Variants in PCDHB12 observed in about 807,000 individuals in gnomAD.
The protein encoded by PCDHB12 is protocadherin beta 12.
For missense variants in PCDHB12, 1,192 were observed against 998.2 expected, an observed-to-expected ratio of 1.19 and a Z score of -2.62; for synonymous variants, 560 against 445.2, an observed-to-expected ratio of 1.26 and a Z score of -3.24.
Position 141,209,770 on chromosome 5 carries a change from T to C in PCDHB12, c.863T>C (p.Ile288Thr), listed in dbSNP as rs1554286745. ...SYTFSHASED[I>T]RKTFEINQKS... ...ACCTTTTCCCATGCCTCAGAAGATA[T>C]TCGCAAGACATTTGAAATTAATCAA... Residue 288 changes from isoleucine (I) to threonine (T), a missense_variant, in exon 1 of 1, where the codon ATT (isoleucine) becomes ACT (threonine). Ile to Thr is a moderately conservative substitution (Grantham distance 89, BLOSUM62 -1). Coordinates refer to ENST00000239450, the MANE Select transcript of PCDHB12 (RefSeq NM_018932.4). 4 of 1,614,212 alleles carry C rather than the reference T, an allele frequency of 2.5e-6. No homozygotes were observed. Among genetic ancestry groups the C allele is most frequent in the East Asian group, 2.2e-5 (1 of 44,884 alleles).
Position 141,210,972 on chromosome 5 carries a change from T to C in PCDHB12, c.2065T>C (p.Tyr689His). The change falls in exon 1 of 1, where the codon TAC (tyrosine) becomes CAC (histidine). Residue 689 changes from tyrosine (Y) to histidine (H), a missense_variant. Physicochemically the swap from Tyr to His is moderately conservative, Grantham distance 83 (BLOSUM62 2). Transcript: ENST00000239450. ...AQAQADSLTV[Y>H]LVVALASVSS... ...GGCCCAGGCCGACTCGCTCACTGTC[T>C]ACCTGGTGGTGGCGTTGGCCTCAGT... The C allele has an allele frequency of 1.9e-6, 3 of 1,611,884 alleles. No individual in the cohort carries two copies. The African/African-American group carries it at 4.0e-5, about 21-fold the overall frequency.
At position 141,210,329 on chromosome 5, in the gene PCDHB12, C is replaced by G. The variant is rs781785471; in HGVS notation, c.1422C>G (p.Ser474Arg). 6 of 1,613,286 alleles carry G rather than the reference C, an allele frequency of 3.7e-6. No individual in the cohort carries two copies. The East Asian group carries it at 1.1e-4, about 30-fold the overall frequency. The part of the protein sequence containing the change: ...NSPALHIGSI[S>R]ATDRDSGTNA... Reference sequence around the variant, plus strand: ...CCGCCCTGCACATCGGCAGCATCAGCGCCACAGACAGAGACTCGGGCACCA... The same window carrying G: ...CCGCCCTGCACATCGGCAGCATCAGGGCCACAGACAGAGACTCGGGCACCA... The change falls in exon 1 of 1, where the codon AGC (serine) becomes AGG (arginine). Residue 474 changes from serine to arginine, a missense_variant. Transcript: ENST00000239450.
chr5:141,210,533 C>A lies in PCDHB12; in HGVS notation c.1626C>A (p.Ser542Arg). 1 of 1,612,040 alleles carries A rather than the reference C, an allele frequency of 6.2e-7. No homozygotes were observed. The highest frequency in any genetic ancestry group is 8.5e-7 in the Non-Finnish European group (1 of 1,179,792). The change falls in exon 1 of 1, where the codon AGC (serine) becomes AGA (arginine). Residue 542 changes from serine (S) to arginine (R), a missense_variant. By Grantham distance (110) the Ser-to-Arg change is moderately radical. Coordinates refer to ENST00000239450, the MANE Select transcript of PCDHB12 (RefSeq NM_018932.4). ...CAGACCACGGCTCCCCGGCTTTGAG[C>A]AGCGAGGCGCTGGTGCGCGTGCTGG... ...GATDHGSPAL[S>R]SEALVRVLVL...
At position 141,211,009 on chromosome 5, in the gene PCDHB12, T is replaced by C; in HGVS notation, c.2102T>C (p.Phe701Ser). ...VVALASVSSL[F>S]LFSVLLFVAV... is the part of the protein sequence containing the mutation. ...GCGTTGGCCTCAGTGTCGTCGCTCTTCCTCTTCTCGGTGCTCCTGTTCGTG... is the reference window on the plus strand; with the variant it reads ...GCGTTGGCCTCAGTGTCGTCGCTCTCCCTCTTCTCGGTGCTCCTGTTCGTG... The change falls in exon 1 of 1, where the codon TTC (phenylalanine) becomes TCC (serine). Residue 701 changes from phenylalanine to serine, a missense_variant. By Grantham distance (155) the Phe-to-Ser change is radical. Transcript: ENST00000239450. 1 of 1,611,738 alleles carries C rather than the reference T, an allele frequency of 6.2e-7. No individual in the cohort carries two copies. The highest frequency in any genetic ancestry group is 8.5e-7 in the Non-Finnish European group (1 of 1,179,868).
Position 141,211,544 on chromosome 5 carries a change from TG to T in PCDHB12, c.*250del. The T allele has an allele frequency of 1.9e-6, 1 of 531,640 alleles. No individual in the cohort carries two copies. The allele number at this position is 531,640 out of a possible 1,614,324, so 32.9% of individuals were successfully genotyped here. ...ATAAAGTCTATTAAGTGGTAAGTCT[TG>T]TTTGAGATATTTTAAATTGCTTTCC... On this transcript the variant is annotated 3_prime_UTR_variant, in exon 1 of 1. Coordinates refer to ENST00000239450, the MANE Select transcript of PCDHB12 (RefSeq NM_018932.4).
At position 141,211,315 on chromosome 5, in the gene PCDHB12, C is replaced by A; in HGVS notation, c.*20C>A. 6.4e-7 allele frequency: 1 copy of A among 1,566,128 alleles called. No individual in the cohort carries two copies. The highest frequency in any genetic ancestry group is 8.6e-7 in the Non-Finnish European group (1 of 1,160,824). ...TTCTGATAAAGAATGAAAAATAAAA[C>A]CTGTGTTTATGAATACATTTATAAT... On this transcript the variant is annotated 3_prime_UTR_variant, in exon 1 of 1. Coordinates refer to ENST00000239450, the MANE Select transcript of PCDHB12 (RefSeq NM_018932.4).
At position 141,211,113 on chromosome 5, in the gene PCDHB12, C is replaced by A. The variant is rs1554287156; in HGVS notation, c.2206C>A (p.Leu736Met). The A allele has an allele frequency of 1.2e-6, 2 of 1,614,142 alleles. No individual in the cohort carries two copies. Among genetic ancestry groups the A allele is most frequent in the Non-Finnish European group, 1.7e-6 (2 of 1,180,028 alleles). Reference sequence around the variant, plus strand: ...GCCTGAGGGCCCCTTTCCAGGACATCTGGTGGACGTGAGTGGCACCGGGAC... The same window carrying A: ...GCCTGAGGGCCCCTTTCCAGGACATATGGTGGACGTGAGTGGCACCGGGAC... ...SVPEGPFPGHLVDVSGTGTLS... is the reference protein window; with the variant it reads ...SVPEGPFPGHMVDVSGTGTLS... The change falls in exon 1 of 1, where the codon CTG becomes ATG. Residue 736 changes from leucine to methionine, a missense_variant. By Grantham distance (15) the Leu-to-Met change is conservative. Transcript: ENST00000239450.
chr5:141,211,161 G>T lies in PCDHB12; in HGVS notation c.2254G>T (p.Glu752Ter), dbSNP rs1554287167. 8 of 1,614,176 alleles carry T rather than the reference G, an allele frequency of 5.0e-6. No individual in the cohort carries two copies. Among genetic ancestry groups the T allele is most frequent in the Non-Finnish European group, 6.8e-6 (8 of 1,180,010 alleles). ...TGTLSQSYHYEVCVTGGSRSN... is the reference protein window; with the variant it reads ...TGTLSQSYHY ...GACCCTGTCCCAGAGCTACCACTATGAGGTGTGTGTGACTGGAGGCTCCAG... is the reference window on the plus strand; with the variant it reads ...GACCCTGTCCCAGAGCTACCACTATTAGGTGTGTGTGACTGGAGGCTCCAG... Residue 752 changes from glutamate (E) to a stop codon, truncating the protein, a stop_gained, in exon 1 of 1, where the codon GAG (glutamate) becomes TAG (stop). Transcript: ENST00000239450. LOFTEE classifies it low-confidence loss of function (END_TRUNC).
Position 141,211,336 on chromosome 5 carries a change from A to G in PCDHB12, c.*41A>G, listed in dbSNP as rs782649370. ...AAAACCTGTGTTTATGAATACATTT[A>G]TAATTAGGAACTTATCGTGAGGTGC... On this transcript the variant is annotated 3_prime_UTR_variant, in exon 1 of 1. Coordinates refer to ENST00000239450, the MANE Select transcript of PCDHB12 (RefSeq NM_018932.4). 1.7e-5 allele frequency: 27 copies of G among 1,547,730 alleles called. No homozygotes were observed. The highest frequency in any genetic ancestry group is 2.2e-5 in the Non-Finnish European group (25 of 1,147,488).
rs782709824 is a variant in PCDHB12 at position 141,208,862 on chromosome 5, C to A, written c.-46C>A. 6.7e-7 allele frequency: 1 copy of A among 1,493,024 alleles called. No homozygotes were observed. The allele number at this position is 1,493,024 out of a possible 1,614,324, so 92.5% of individuals were successfully genotyped here. On this transcript the variant is annotated 5_prime_UTR_variant, in exon 1 of 1. In the 5' UTR this introduces an upstream ATG that the reference lacks. Transcript: ENST00000239450. ...CGTTTCCCACAACTGCGAAGAGGCG[C>A]TGAGGCAATTCTGCAAGAAGATTTT...
chr5:141,211,077 C>T lies in PCDHB12; in HGVS notation c.2170C>T (p.Arg724Cys), dbSNP rs782258906. The T allele has an allele frequency of 2.7e-5, 43 of 1,613,606 alleles. No homozygotes were observed. The highest frequency in any genetic ancestry group is 3.6e-5 in the Non-Finnish European group (43 of 1,180,032). ...GAGGAGCAGGGCGGCCCCGGTCGGT[C>T]GCTGCTCGGTGCCTGAGGGCCCCTT... ...CRRSRAAPVGRCSVPEGPFPG... is the reference protein window; with the variant it reads ...CRRSRAAPVGCCSVPEGPFPG... Residue 724 changes from arginine to cysteine, a missense_variant, in exon 1 of 1, where the codon CGC becomes TGC. Transcript: ENST00000239450.
rs1754395619 is a variant in PCDHB12, at chr5:141,209,863, T to C, written c.956T>C (p.Ile319Thr). The C allele has an allele frequency of 6.2e-7, 1 of 1,614,110 alleles. No individual in the cohort carries two copies. Among genetic ancestry groups the C allele is most frequent in the Non-Finnish European group, 8.5e-7 (1 of 1,180,050 alleles). Reference sequence around the variant, plus strand: ...GCAATTGAGTCATACTCAATAATCATTCAAGCCACAGATGGGGGAGGACTT... The same window carrying C: ...GCAATTGAGTCATACTCAATAATCACTCAAGCCACAGATGGGGGAGGACTT... ...FEAIESYSII[I>T]QATDGGGLFG... Residue 319 changes from isoleucine (I) to threonine (T), a missense_variant, in exon 1 of 1, where the codon ATT (isoleucine) becomes ACT (threonine). Ile to Thr is a moderately conservative substitution (Grantham distance 89). Coordinates refer to ENST00000239450, the MANE Select transcript of PCDHB12 (RefSeq NM_018932.4).
Position 141,208,933 on chromosome 5 carries a change from TGCAGATAAGGC to T in PCDHB12, c.27_37del (p.Gln10SerfsTer16), listed in dbSNP as rs1754360285. The T allele has an allele frequency of 6.5e-7, 1 of 1,533,314 alleles. No individual in the cohort carries two copies. The highest frequency in any genetic ancestry group is 1.4e-5 in the African/African-American group (1 of 72,010). 95.0% of individuals were successfully genotyped at this position (1,533,314 alleles called of 1,614,324 possible). ...ATGGAAAACGGAGGGGCAGGCACTC[TGCAGATAAGGC>T]AAGTCCTGCTTTTCTTTGTTTTGCT... On this transcript the variant is annotated frameshift_variant, in exon 1 of 1. Transcript: ENST00000239450. LOFTEE classifies it low-confidence loss of function (END_TRUNC).
Position 141,209,825 on chromosome 5 carries a change from T to A in PCDHB12, c.918T>A (p.Pro306=). 6.2e-7 allele frequency: 1 copy of A among 1,614,220 alleles called. No homozygotes were observed. Among genetic ancestry groups the A allele is most frequent in the East Asian group, 2.2e-5 (1 of 44,880 alleles). ...CTGGTGACATTACTTTAACAGCACC[T>A]TTGGATTTTGAAGCAATTGAGTCAT... The part of the protein sequence containing the change: ...QKSGDITLTA[P]LDFEAIESYS... The change falls in exon 1 of 1, where the codon CCT becomes CCA. Residue 306 remains proline (P), a synonymous_variant. Transcript: ENST00000239450.
At position 141,210,371 on chromosome 5, in the gene PCDHB12, C is replaced by T; in HGVS notation, c.1464C>T (p.Tyr488=). ...RDSGTNAQVN[Y]SLLPSQDPHL... is the part of the protein sequence containing the mutation. ...CGGGCACCAACGCCCAGGTCAACTA[C>T]TCGCTGCTGCCGTCCCAGGACCCGC... is the stretch of plus-strand genomic sequence containing the variant. Residue 488 remains tyrosine, a synonymous_variant, in exon 1 of 1, where the codon TAC becomes TAT. Transcript: ENST00000239450. 1 of 1,613,032 alleles carries T rather than the reference C, an allele frequency of 6.2e-7. No individual in the cohort carries two copies. Among genetic ancestry groups the T allele is most frequent in the African/African-American group, 1.3e-5 (1 of 75,034 alleles).
In PCDHB12 at chr5:141,209,013, A is replaced by C. The variant is rs1173344679; in HGVS notation, c.106A>C (p.Met36Leu). 1 of 1,607,900 alleles carries C rather than the reference A, an allele frequency of 6.2e-7. No homozygotes were observed. Among genetic ancestry groups the C allele is most frequent in the Non-Finnish European group, 8.5e-7 (1 of 1,177,548 alleles). Residue 36 changes from methionine (M) to leucine (L), a missense_variant, in exon 1 of 1, where the codon ATG becomes CTG. Physicochemically the swap from Met to Leu is conservative, Grantham distance 15. Transcript: ENST00000239450. ...CTCTGAAACTGGGAACTTTTTGGTG[A>C]TGGAGGAATTGCAGAGCGGGAGCTT... Reference protein sequence around the residue: ...AGSETGNFLVMEELQSGSFVG... With the variant: ...AGSETGNFLVLEELQSGSFVG...
At position 141,211,229 on chromosome 5, in the gene PCDHB12, C is replaced by T. The variant is rs1237367469; in HGVS notation, c.2322C>T (p.Phe774=). 2.5e-6 allele frequency: 4 copies of T among 1,613,820 alleles called. No individual in the cohort carries two copies. In the Admixed American group the frequency reaches 6.7e-5, roughly 27 times the overall value. ...FKFLKPIIPN[F]LPQSTGSEVE... is the part of the protein sequence containing the mutation. ...TTCTGAAACCAATTATCCCCAACTTCCTACCCCAGAGCACAGGTAGTGAAG... is the reference window on the plus strand; with the variant it reads ...TTCTGAAACCAATTATCCCCAACTTTCTACCCCAGAGCACAGGTAGTGAAG... Residue 774 remains phenylalanine, a synonymous_variant, in exon 1 of 1, where the codon TTC becomes TTT. Transcript: ENST00000239450.
In PCDHB12 at chr5:141,210,362, G is replaced by C. The variant is rs782161768; in HGVS notation, c.1455G>C (p.Gln485His). ...ACAGAGACTCGGGCACCAACGCCCA[G>C]GTCAACTACTCGCTGCTGCCGTCCC... The part of the protein sequence containing the change: ...ATDRDSGTNA[Q>H]VNYSLLPSQD... Residue 485 changes from glutamine (Q) to histidine (H), a missense_variant, in exon 1 of 1, where the codon CAG (glutamine) becomes CAC (histidine). Physicochemically the swap from Gln to His is conservative, Grantham distance 24. Transcript: ENST00000239450. 3 of 1,613,062 alleles carry C rather than the reference G, an allele frequency of 1.9e-6. No homozygotes were observed. Among genetic ancestry groups the C allele is most frequent in the Admixed American group, 3.3e-5 (2 of 60,028 alleles).
Position 141,209,229 on chromosome 5 carries a change from G to T in PCDHB12, c.322G>T (p.Val108Leu), listed in dbSNP as rs199578268. 156 of 1,614,074 alleles carry T rather than the reference G, an allele frequency of 9.7e-5. 1 individual carries two copies. Among genetic ancestry groups the T allele is most frequent in the Non-Finnish European group, 1.3e-4 (148 of 1,180,056 alleles). Residue 108 changes from valine to leucine, a missense_variant, in exon 1 of 1, where the codon GTG (valine) becomes TTG (leucine). Coordinates refer to ENST00000239450, the MANE Select transcript of PCDHB12 (RefSeq NM_018932.4). The part of the protein sequence containing the change: ...SNEPCVLYFQ[V>L]LMKNPTQFLQ... ...TGAGCCTTGTGTGCTGTATTTCCAA[G>T]TGTTAATGAAAAACCCCACGCAGTT...
Sources: gnomAD v4.1 joint callset for allele counts on GRCh38, gnomAD v4.1.1 for gene constraint, MANE v1.5 for transcripts, NCBI Gene and HGNC (gene_info 2026-07-23, HGNC 2026-07-21) for gene names.